TOM1L2: variants seen among roughly 807,000 people sequenced by gnomAD.
TOM1L2 encodes TOM1-like protein 2.
In TOM1L2, 31 loss-of-function variants were observed where a neutral mutation model predicts 67.9. The ratio of observed to expected loss-of-function variants is 0.46; its 90% CI spans 0.34 to 0.62. The LOEUF (loss-of-function observed/expected upper bound fraction) is 0.62. Ranked by LOEUF, TOM1L2 falls within the 20% of genes least tolerant of loss-of-function variation. TOM1L2 has a pLI of 0.01. For synonymous variants in TOM1L2, 256 were observed against 254.0 expected (o/e 1.01, Z -0.07); for missense variants, 606 against 663.5 (o/e 0.91, Z 0.95).
At chr17:17,929,974 T>C (rs1390388778) in intron 1 of TOM1L2, among the ~76,000 whole-genome samples, 2 of 152,190 alleles carry the variant, frequency 1.3e-5, no homozygotes, top group Admixed American at 1.3e-4. Flanking sequence ...GGGAGGGCTG[T>C]CTCTGTGTCT....
chr17:17,866,799 GA>G, intron 9 of TOM1L2, 76 bp downstream of exon 9: 1 of 1,360,104 alleles, frequency 7.4e-7, no homozygotes, highest in East Asian at 2.3e-5. Context: ...AGAAAAACTG[GA>G]GGTCTCTCCA....
At chr17:17,896,788 C>T (rs894755328) in intron 3 of TOM1L2, among the ~76,000 whole-genome samples, 1 of 152,216 alleles carries the variant, frequency 6.6e-6, no homozygotes, top group Non-Finnish European at 1.5e-5. Flanking sequence ...CCCCTCAGGG[C>T]TTCTTACTAA....
At position 17,887,454 on chromosome 17, in the gene TOM1L2, T is replaced by C. The variant is rs544122629; in HGVS notation, c.367-2686A>G. ...AGATGGGAGACATCCAGAGATGCCA[T>C]GTGTCCCTAGCATCTTCTTGGGACA... On this transcript the variant is annotated intron_variant, in intron 4 of 14. Coordinates refer to ENST00000379504, the MANE Select transcript of TOM1L2 (RefSeq NM_001082968.2). Among the ~76,000 whole-genome samples, 16 of 152,282 alleles carry C rather than the reference T, an allele frequency of 1.1e-4. 1 individual carries two copies. In the South Asian group the frequency reaches 3.3e-3, roughly 32 times the overall value.
chr17:17,919,953 C>T (rs988513248), intron 1 of TOM1L2, among the ~76,000 whole-genome samples: 1 of 152,176 alleles, frequency 6.6e-6, no homozygotes, highest in Non-Finnish European at 1.5e-5. Context: ...GAGGAGGTAG[C>T]AATACTGCCA....
At chr17:17,921,138 T>G (rs977281832) in intron 1 of TOM1L2, among the ~76,000 whole-genome samples, 1 of 152,168 alleles carries the variant, frequency 6.6e-6, no homozygotes, top group African/African-American at 2.4e-5. Context: ...TAAAGACCAA[T>G]AAACTCTCAA....
intron 7 of TOM1L2, 123 bp downstream of exon 7, chr17:17,879,504 C>T: frequency 1.3e-6 from 1 of 742,418 alleles, no homozygotes; most frequent in Non-Finnish European, 2.4e-6. Flanking sequence ...CTCACATGGA[C>T]TATCAACAAC....
chr17:17,876,287 A>G (rs2037418415), intron 7 of TOM1L2, among the ~76,000 whole-genome samples: 1 of 152,196 alleles, frequency 6.6e-6, no homozygotes, highest in Admixed American at 6.5e-5. Context: ...AGGCTTAACC[A>G]CCAGATGAGA....
At chr17:17,944,807 C>A (rs1437522108) in intron 1 of TOM1L2, among the ~76,000 whole-genome samples, 1 of 152,222 alleles carries the variant, frequency 6.6e-6, no homozygotes, top group African/African-American at 2.4e-5. Context: ...ATATTAAATG[C>A]TTAGCGACAA....
rs917468140 is a variant in TOM1L2, at chr17:17,955,111, C to A, written c.52+17151G>T. ...TCGGGTGTCATAGTTAGTCTCTCAT[C>A]TGCTGGTGGATCTGATTTGCCCAGC... On this transcript the variant is annotated intron_variant, in intron 1 of 14. Transcript: ENST00000379504. Among the ~76,000 whole-genome samples the A allele has an allele frequency of 9.6e-4, 147 of 152,336 alleles. 1 individual carries two copies. Among genetic ancestry groups the A allele is most frequent in the Admixed American group, 2.6e-4 (4 of 15,302 alleles).
intron 1 of TOM1L2, among the ~76,000 whole-genome samples, chr17:17,938,497 G>C (rs2040595888): frequency 6.6e-6 from 1 of 152,160 alleles, no homozygotes; most frequent in Non-Finnish European, 1.5e-5. Context: ...GAGAGGCACT[G>C]GGGAGGAATA....
At chr17:17,958,748 G>C (rs1302508439) in intron 1 of TOM1L2, among the ~76,000 whole-genome samples, 1 of 152,210 alleles carries the variant, frequency 6.6e-6, no homozygotes, top group Non-Finnish European at 1.5e-5. Context: ...GGAATCTCCT[G>C]AGAGATAAGT....
intron 12 of TOM1L2, among the ~76,000 whole-genome samples, chr17:17,858,006 A>C (rs572380660): frequency 3.8e-4 from 58 of 152,240 alleles, no homozygotes; most frequent in African/African-American, 1.3e-3. Context: ...CGTCCCCCTT[A>C]CCTGCCTGGA....
At chr17:17,956,042 T>C (rs1333373444) in intron 1 of TOM1L2, among the ~76,000 whole-genome samples, 2 of 152,196 alleles carry the variant, frequency 1.3e-5, no homozygotes, top group Admixed American at 1.3e-4. Flanking sequence ...ATAAAAGCAG[T>C]GGACTCATGG....
chr17:17,865,577 C>T (rs1298022263), intron 10 of TOM1L2, among the ~76,000 whole-genome samples: 1 of 151,884 alleles, frequency 6.6e-6, no homozygotes, highest in African/African-American at 2.4e-5. Context: ...CGGGGTTTCA[C>T]CATTTTGGCC....
At chr17:17,953,034 A>G (rs964160847) in intron 1 of TOM1L2, among the ~76,000 whole-genome samples, 4 of 151,886 alleles carry the variant, frequency 2.6e-5, no homozygotes, top group African/African-American at 9.7e-5. Flanking sequence ...CCACCCCTTC[A>G]TTTGGGAGGC....
intron 1 of TOM1L2, among the ~76,000 whole-genome samples, chr17:17,955,783 C>T (rs1327982346): frequency 1.3e-5 from 2 of 152,114 alleles, no homozygotes; most frequent in Non-Finnish European, 2.9e-5. Flanking sequence ...TTAAAGGCGG[C>T]GTGTCTGGGG....
At chr17:17,874,419 C>T (rs1443720564) in intron 7 of TOM1L2, among the ~76,000 whole-genome samples, 1 of 151,958 alleles carries the variant, frequency 6.6e-6, no homozygotes, top group Admixed American at 6.6e-5. Context: ...TACAGGCACC[C>T]GCCACCACAC....
chr17:17,915,923 C>T (rs113592800), intron 1 of TOM1L2, among the ~76,000 whole-genome samples: 38 of 144,024 alleles, frequency 2.6e-4, no homozygotes, highest in African/African-American at 9.5e-4. Context: ...TTATGGTTGT[C>T]TTTTCACTCT....
intron 1 of TOM1L2, among the ~76,000 whole-genome samples, chr17:17,959,904 A>G (rs1259382623): frequency 6.6e-6 from 1 of 152,234 alleles, no homozygotes; most frequent in Non-Finnish European, 1.5e-5. Context: ...CAGTTAGACA[A>G]TTTAGCATGT....
Sources: gnomAD v4.1 joint callset for allele counts (sites outside exome capture counted in the v4.1 genomes callset) on GRCh38, gnomAD v4.1.1 for gene constraint, MANE v1.5 for transcripts, NCBI Gene and HGNC (gene_info 2026-07-23, HGNC 2026-07-21) for gene names.